The following C1QTNF1 variants were observed in gnomAD, a reference collection of about 807,000 sequenced individuals.
The protein encoded by C1QTNF1 is complement C1q tumor necrosis factor-related protein 1.
A neutral mutation model predicts 27.8 loss-of-function variants in C1QTNF1; 22 were observed. That is an observed-to-expected ratio of 0.79 (90% CI 0.56 to 1.13). The LOEUF (loss-of-function observed/expected upper bound fraction) is 1.13, where lower values mean the gene tolerates loss of function less well. Among genes scored for constraint, C1QTNF1 ranks in the 50% most tolerant of loss-of-function variants. The probability of loss-of-function intolerance (pLI) is 0.00; values close to 1 mark genes in which losing one functional copy is unlikely to be tolerated. For missense variants in C1QTNF1, 373 were observed against 380.2 expected (o/e 0.98, Z 0.16); for synonymous variants, 166 against 154.3 (o/e 1.08, Z -0.56).
chr17:79,030,485 T>TTCTTTCTTTCTTTCTTTC (rs1471598732), intron 1 of C1QTNF1, among the ~76,000 whole-genome samples: 4 of 121,804 alleles, frequency 3.3e-5, no homozygotes, highest in Admixed American at 8.1e-5. Context: ...CTTTCTTTCT[T>TTCTTTCTTTCTTTCTTTC]TTTCTTTCTT....
At chr17:79,031,240 C>T (rs892561093) in intron 1 of C1QTNF1, among the ~76,000 whole-genome samples, 3 of 148,232 alleles carry the variant, frequency 2.0e-5, no homozygotes, top group African/African-American at 5.0e-5. Flanking sequence ...CTCCTGACCT[C>T]GTGATCTGCC....
intron 1 of C1QTNF1, among the ~76,000 whole-genome samples, chr17:79,040,764 T>C (rs975119884): frequency 7.1e-6 from 1 of 140,536 alleles, no homozygotes; most frequent in South Asian, 2.3e-4. Flanking sequence ...ATTAGCTGGG[T>C]GTGGTAGTGC....
chr17:79,047,357 C>T (rs1019284907), intron 3 of C1QTNF1, 181 bp from the exon 4 acceptor site: 16 of 519,242 alleles, frequency 3.1e-5, no homozygotes, highest in African/African-American at 3.0e-4. Context: ...AATCACAATA[C>T]CTCTGTGCCA....
At chr17:79,047,253 T>TTTTTTTTTA (rs1025186314) in intron 3 of C1QTNF1, 19 of 363,580 alleles carry the variant, frequency 5.2e-5, no homozygotes, top group African/African-American at 3.0e-4. Flanking sequence ...TTTTTTTTTT[T>TTTTTTTTTA]ACCAGGGCTT....
chr17:79,045,649 C>T (rs544550520), intron 2 of C1QTNF1, among the ~76,000 whole-genome samples: 43 of 152,084 alleles, frequency 2.8e-4, no homozygotes, highest in African/African-American at 6.5e-4. Context: ...CCTGGGCACC[C>T]GCTGTTGATG....
In C1QTNF1 at chr17:79,046,655, G is replaced by C. The variant is rs554565794; in HGVS notation, c.256G>C (p.Ala86Pro). Reference protein sequence around the residue: ...CCDPGTSMYPATAVPQINITI... With the variant: ...CCDPGTSMYPPTAVPQINITI... The stretch of plus-strand genomic sequence containing the variant: ...TGACCCCGGTACCTCCATGTACCCG[G>C]CGACCGCCGTGCCCCAGATCAACAT... Residue 86 changes from alanine (A) to proline (P), a missense_variant, in exon 3 of 4, where the codon GCG becomes CCG. Coordinates refer to ENST00000579760, the MANE Select transcript of C1QTNF1 (RefSeq NM_030968.5). This position sits in a 1 kb window ranked among gnomAD's most constrained non-coding sequence, Gnocchi z 4.8. 9 of 1,614,244 alleles carry C rather than the reference G, an allele frequency of 5.6e-6. No individual in the cohort carries two copies. The highest frequency in any genetic ancestry group is 5.3e-5 in the African/African-American group (4 of 75,070).
intron 1 of C1QTNF1, among the ~76,000 whole-genome samples, chr17:79,030,413 ACT>A (rs2072091929): frequency 1.4e-5 from 2 of 144,672 alleles, no homozygotes; most frequent in African/African-American, 5.1e-5. Flanking sequence ...CATTTTCAAA[ACT>A]CATTACTGCT....
At chr17:79,040,729 A>AC (rs1491102313) in intron 1 of C1QTNF1, among the ~76,000 whole-genome samples, 3 of 128,854 alleles carry the variant, frequency 2.3e-5, no homozygotes, top group Non-Finnish European at 4.7e-5. Context: ...ATTTGTCTCT[A>AC]CAAAAAAAAA....
Position 79,047,837 on chromosome 17 carries a change from G to A in C1QTNF1, c.595G>A (p.Val199Met). Residue 199 changes from valine (V) to methionine (M), a missense_variant, in exon 4 of 4, where the codon GTG (valine) becomes ATG (methionine). Coordinates refer to ENST00000579760, the MANE Select transcript of C1QTNF1 (RefSeq NM_030968.5). ...CGGCCTCTACTTCTTCAGCCTCAAC[G>A]TGCACACCTGGAACCAGAAGGAGAC... is the stretch of plus-strand genomic sequence containing the variant. The part of the protein sequence containing the change: ...VPGLYFFSLN[V>M]HTWNQKETYL... The A allele has an allele frequency of 2.5e-6, 4 of 1,614,170 alleles. No homozygotes were observed. Among genetic ancestry groups the A allele is most frequent in the Non-Finnish European group, 3.4e-6 (4 of 1,180,028 alleles).
intron 1 of C1QTNF1, among the ~76,000 whole-genome samples, chr17:79,028,281 T>A (rs1446421885): frequency 6.6e-6 from 1 of 152,186 alleles, no homozygotes; most frequent in Non-Finnish European, 1.5e-5. Flanking sequence ...CCAAACCCTA[T>A]GCTTTGGGTT....
chr17:79,042,489 G>A (rs1408122826), intron 1 of C1QTNF1, among the ~76,000 whole-genome samples: 5 of 152,350 alleles, frequency 3.3e-5, no homozygotes, highest in Admixed American at 2.0e-4. Flanking sequence ...TGCTCTGTGG[G>A]GCTGGGCTTG....
chr17:79,042,905 T>C (rs2072450738), intron 1 of C1QTNF1, among the ~76,000 whole-genome samples: 1 of 152,058 alleles, frequency 6.6e-6, no homozygotes, highest in African/African-American at 2.4e-5. Flanking sequence ...GTGTTGAGAG[T>C]ATGCGGGCGT....
intron 1 of C1QTNF1, chr17:79,041,729 C>T (rs1172881821): frequency 6.7e-6 from 1 of 149,126 alleles, no homozygotes; most frequent in Non-Finnish European, 1.5e-5. Context: ...CGAGATCACA[C>T]TGCTGCACTC....
chr17:79,030,517 C>CTTTCTTTCTT (rs1555670031), intron 1 of C1QTNF1, among the ~76,000 whole-genome samples: 1 of 104,790 alleles, frequency 9.5e-6, no homozygotes, highest in Admixed American at 9.9e-5. Flanking sequence ...TTCTTTCTTT[C>CTTTCTTTCTT]TTTCTTTCTT....
chr17:79,047,256 C>A, intron 3 of C1QTNF1: 7 of 328,596 alleles, frequency 2.1e-5, no homozygotes, highest in Non-Finnish European at 3.7e-5. Flanking sequence ...TTTTTTTTAC[C>A]AGGGCTTTCC....
rs897772829 is a variant in C1QTNF1, at chr17:79,024,361, C to T, written c.-148C>T. Reference sequence around the variant, plus strand: ...CCACCCTCCTCTTCTGCACTGCCGTCCTCCGGAAGACCTTTTCCCCTGCTC... The same window carrying T: ...CCACCCTCCTCTTCTGCACTGCCGTTCTCCGGAAGACCTTTTCCCCTGCTC... On this transcript the variant is annotated 5_prime_UTR_variant, in exon 1 of 4. Coordinates refer to ENST00000579760, the MANE Select transcript of C1QTNF1 (RefSeq NM_030968.5). 6.6e-6 allele frequency: 1 copy of T among 152,334 alleles called. No homozygotes were observed. Among genetic ancestry groups the T allele is most frequent in the African/African-American group, 2.4e-5 (1 of 41,424 alleles). The allele number at this position is 152,334 out of a possible 1,614,324, so 9.4% of individuals were successfully genotyped here.
At position 79,031,337 on chromosome 17, in the gene C1QTNF1, C is replaced by T. The variant is rs563594146; in HGVS notation, c.-15+6843C>T. 5.5e-4 allele frequency among the ~76,000 whole-genome samples: 84 copies of T among 151,944 alleles called. 1 individual carries two copies. Among genetic ancestry groups the T allele is most frequent in the African/African-American group, 2.0e-3 (81 of 41,468 alleles). ...TTTCTTTAAATGTCTTTAGAAAGAA[C>T]GCGTTTACTGGTTTACCACAATCCC... On this transcript the variant is annotated intron_variant, in intron 1 of 3. Coordinates refer to ENST00000579760, the MANE Select transcript of C1QTNF1 (RefSeq NM_030968.5).
intron 1 of C1QTNF1, 79 bp from the exon 2 acceptor site, chr17:79,043,876 T>C (rs748783709): frequency 5.2e-6 from 8 of 1,526,086 alleles, no homozygotes; most frequent in Non-Finnish European, 7.2e-6. Flanking sequence ...AGGCTGTTTC[T>C]CTCCCCAATT....
chr17:79,033,880 T>C (rs1243776691), intron 1 of C1QTNF1, among the ~76,000 whole-genome samples: 6 of 151,984 alleles, frequency 3.9e-5, no homozygotes, highest in Non-Finnish European at 7.4e-5. Flanking sequence ...ATGCTTACAG[T>C]GCGCACGAAA....
Sources: gnomAD v4.1 joint callset for allele counts (sites outside exome capture counted in the v4.1 genomes callset) on GRCh38, gnomAD v4.1.1 for gene constraint, Gnocchi (gnomAD v3.1) non-coding constraint, MANE v1.5 for transcripts, NCBI Gene and HGNC (gene_info 2026-07-23, HGNC 2026-07-21) for gene names.